Variants in CLTCL1 observed in about 807,000 individuals in gnomAD.
CLTCL1 encodes clathrin heavy chain 2.
In CLTCL1, 159 loss-of-function variants were observed where a neutral mutation model predicts 190.0. The ratio of observed to expected loss-of-function variants is 0.84; its 90% CI spans 0.74 to 0.95. The LOEUF (loss-of-function observed/expected upper bound fraction) is 0.95, where lower values mean the gene tolerates loss of function less well. Ranked by LOEUF, CLTCL1 falls within the 40% of genes least tolerant of loss-of-function variation. CLTCL1 has a pLI of 0.00. For missense variants in CLTCL1, 1,878 were observed against 2,033.4 expected (o/e 0.92, Z 1.47); for synonymous variants, 752 against 769.6 (o/e 0.98, Z 0.38).
At position 19,233,634 on chromosome 22, in the gene CLTCL1, T is replaced by C. The variant is rs368179825; in HGVS notation, c.1168-12A>G. 56 of 1,609,540 alleles carry C rather than the reference T, an allele frequency of 3.5e-5. No homozygotes were observed. The highest frequency in any genetic ancestry group is 5.4e-5 in the African/African-American group (4 of 74,682). ...GTACGCAGGATTCCCTAATAATAAATGGAAAAATAGGTCATTGTGTTGTAA... is the reference window on the plus strand; with the variant it reads ...GTACGCAGGATTCCCTAATAATAAACGGAAAAATAGGTCATTGTGTTGTAA... On this transcript the variant is annotated splice_polypyrimidine_tract_variant and intron_variant, in intron 7 of 32. Transcript: ENST00000427926.
intron 5 of CLTCL1, among the ~76,000 whole-genome samples, chr22:19,237,748 A>G (rs571866254): frequency 6.6e-6 from 1 of 152,332 alleles, no homozygotes; most frequent in East Asian, 1.9e-4. Context: ...ACATAGCTAG[A>G]GGAGTTTATA....
intron 21 of CLTCL1, 148 bp downstream of exon 21, chr22:19,208,774 T>A: frequency 1.5e-6 from 1 of 654,806 alleles, no homozygotes; most frequent in Non-Finnish European, 2.6e-6. Context: ...TATCTCAGAC[T>A]CTTGTGGGAA....
At chr22:19,191,890 C>T (rs570049685) in intron 26 of CLTCL1, among the ~76,000 whole-genome samples, 7 of 152,262 alleles carry the variant, frequency 4.6e-5, no homozygotes, top group African/African-American at 7.2e-5. Flanking sequence ...TGAGCTGAAA[C>T]ACTGTGGTGC....
Position 19,222,708 on chromosome 22 carries a change from C to A in CLTCL1, c.2394G>T (p.Arg798Ser). The change falls in exon 15 of 33, where the codon AGG (arginine) becomes AGT (serine). Residue 798 changes from arginine to serine, a missense_variant. By Grantham distance (110) the Arg-to-Ser change is moderately radical. Transcript: ENST00000427926. ...CCTTCTGCACGTAGATCTCAATGTA[C>A]CTCTGCAGGTTGTTGCGGTATAAAT... is the stretch of plus-strand genomic sequence containing the variant. ...VLYLYRNNLQ[R>S]YIEIYVQKVN... 1.9e-6 allele frequency: 3 copies of A among 1,592,984 alleles called. No individual in the cohort carries two copies. Among genetic ancestry groups the A allele is most frequent in the South Asian group, 2.3e-5 (2 of 87,188 alleles).
rs2085045905 is a variant in CLTCL1, at chr22:19,206,220, TTTTC to T, written c.3600+1930_3600+1933del. On this transcript the variant is annotated intron_variant, in intron 22 of 32. Coordinates refer to ENST00000427926, the MANE Select transcript of CLTCL1 (RefSeq NM_007098.4). ...AGATTACAGGCCCTTCACCCCCTTG[TTTTC>T]TTTTTGTTTGTTTGTTTTTTAAAGA... is the stretch of plus-strand genomic sequence containing the variant. 2.6e-5 allele frequency among the ~76,000 whole-genome samples: 4 copies of T among 151,466 alleles called. No homozygotes were observed. The South Asian group carries it at 8.4e-4, about 32-fold the overall frequency.
intron 19 of CLTCL1, among the ~76,000 whole-genome samples, chr22:19,210,857 CTACTGTATTTCTAAGCAATAT>C (rs1555946344): frequency 6.6e-6 from 1 of 152,090 alleles, no homozygotes; most frequent in Non-Finnish European, 1.5e-5. Flanking sequence ...TTTATCACAT[CTACTGTATTTCTAAGCAATAT>C]AGGCAGCTTT....
intron 1 of CLTCL1, among the ~76,000 whole-genome samples, chr22:19,284,746 G>C (rs1310644055): frequency 6.6e-6 from 1 of 152,022 alleles, no homozygotes; most frequent in African/African-American, 2.4e-5. Context: ...ACGAGGTCAA[G>C]AGATTAAGAC....
chr22:19,231,089 C>T (rs1405585925), intron 10 of CLTCL1, among the ~76,000 whole-genome samples: 2 of 152,150 alleles, frequency 1.3e-5, no homozygotes, highest in African/African-American at 4.8e-5. Context: ...GAGAGTTACG[C>T]CTTCAGCTTC....
At chr22:19,218,639 G>A (rs1173985039) in intron 18 of CLTCL1, among the ~76,000 whole-genome samples, 1 of 152,160 alleles carries the variant, frequency 6.6e-6, no homozygotes, top group African/African-American at 2.4e-5. Context: ...GTTGGACGAG[G>A]GTTTTGTTCC....
At chr22:19,184,842 A>C (rs1601428311) in intron 29 of CLTCL1, 4 of 313,582 alleles carry the variant, frequency 1.3e-5, no homozygotes, top group South Asian at 5.2e-5. Context: ...GCTCTCCCAC[A>C]CCCTCCTCTC....
chr22:19,255,013 T>C (rs1282871659), intron 2 of CLTCL1, among the ~76,000 whole-genome samples: 1 of 152,162 alleles, frequency 6.6e-6, no homozygotes, highest in East Asian at 1.9e-4. Context: ...AAAATATTGC[T>C]TCCCACAAAG....
chr22:19,258,179 G>A, intron 2 of CLTCL1: 1 of 349,060 alleles, frequency 2.9e-6, no homozygotes, highest in East Asian at 7.2e-5. Context: ...TGAAGAGGGA[G>A]TAAAAGGCCT....
At chr22:19,232,917 AAG>A (rs2085960286) in intron 9 of CLTCL1, 2 of 565,468 alleles carry the variant, frequency 3.5e-6, no homozygotes, top group South Asian at 2.5e-5. Context: ...ATACAGAAGG[AAG>A]AGAGGGAGAG....
intron 27 of CLTCL1, among the ~76,000 whole-genome samples, chr22:19,188,451 CTTAA>C (rs1338602726): frequency 3.9e-5 from 6 of 152,170 alleles, no homozygotes; most frequent in East Asian, 1.9e-4. Flanking sequence ...CAGTACACAC[CTTAA>C]TTAAAAATAT....
At chr22:19,219,827 C>A in intron 18 of CLTCL1, 58 bp downstream of exon 18, 1 of 1,603,818 alleles carries the variant, frequency 6.2e-7, no homozygotes, top group Admixed American at 1.7e-5. Context: ...ACTTGAGCCA[C>A]AATGATGATC....
chr22:19,191,110 G>A (rs1196945652), intron 27 of CLTCL1, among the ~76,000 whole-genome samples, 194 bp downstream of exon 27: 1 of 152,212 alleles, frequency 6.6e-6, no homozygotes, highest in Non-Finnish European at 1.5e-5. Flanking sequence ...CACAGAATTT[G>A]AGAAGCACAA....
chr22:19,183,477 G>A lies in CLTCL1; in HGVS notation c.4740C>T (p.Asp1580=). The change falls in exon 30 of 33, where the codon GAC becomes GAT. Residue 1580 remains aspartate (D), a synonymous_variant. Transcript: ENST00000427926. ...LFTCYDLLRP[D]MVLELAWRHN... ...GCCTCCAGGCCAGCTCAAGCACCAT[G>A]TCTGGGCGAAGCAGGTCATAGCAGG... 1 of 1,613,764 alleles carries A rather than the reference G, an allele frequency of 6.2e-7. No individual in the cohort carries two copies. The highest frequency in any genetic ancestry group is 8.5e-7 in the Non-Finnish European group (1 of 1,179,886).
chr22:19,248,896 G>C (rs1003571970), intron 3 of CLTCL1, among the ~76,000 whole-genome samples: 1 of 152,138 alleles, frequency 6.6e-6, no homozygotes, highest in African/African-American at 2.4e-5. Context: ...ATTTAGGTCT[G>C]ATCGATTTTG....
intron 30 of CLTCL1, chr22:19,181,425 TCACAAA>T (rs2084133612): frequency 6.6e-6 from 1 of 152,598 alleles, no homozygotes. Flanking sequence ...TAGGATCCCC[TCACAAA>T]CACACTGAGT....
Sources: gnomAD v4.1 joint callset for allele counts (sites outside exome capture counted in the v4.1 genomes callset) on GRCh38, gnomAD v4.1.1 for gene constraint, MANE v1.5 for transcripts, NCBI Gene and HGNC (gene_info 2026-07-23, HGNC 2026-07-21) for gene names.